Variants in GABRB3 observed in about 807,000 individuals in gnomAD.
The protein encoded by GABRB3 is gamma-aminobutyric acid type A receptor subunit beta3.
In GABRB3, 14 loss-of-function variants were observed where a neutral mutation model predicts 52.1. That is an observed-to-expected ratio of 0.27 (90% CI 0.18 to 0.42). The LOEUF (loss-of-function observed/expected upper bound fraction) is 0.42, where lower values mean the gene tolerates loss of function less well. GABRB3 is among the 10% of genes least tolerant of loss of function. GABRB3 has a pLI of 1.00. For missense variants in GABRB3, 307 were observed against 609.1 expected, an observed-to-expected ratio of 0.50 and a Z score of 5.22; for synonymous variants, 260 against 232.3, an observed-to-expected ratio of 1.12 and a Z score of -1.08.
chr15:26,726,631 T>G (rs763647180), intron 3 of GABRB3, among the ~76,000 whole-genome samples: 1 of 152,190 alleles, frequency 6.6e-6, no homozygotes, highest in Non-Finnish European at 1.5e-5. Context: ...CAATTCAAGT[T>G]ACATATTTTT....
intron 3 of GABRB3, among the ~76,000 whole-genome samples, chr15:26,689,697 G>A (rs1888523161): frequency 1.3e-5 from 2 of 152,138 alleles, no homozygotes; most frequent in East Asian, 1.9e-4. Flanking sequence ...ACCACTCTGT[G>A]CTGGGTGGTC....
chr15:26,772,975 C>G lies in GABRB3; in HGVS notation c.-13G>C. The G allele has an allele frequency of 7.1e-7, 1 of 1,405,762 alleles. No homozygotes were observed. The highest frequency in any genetic ancestry group is 1.5e-5 in the African/African-American group (1 of 66,722). 87.1% of individuals were successfully genotyped at this position (1,405,762 alleles called of 1,614,324 possible). On this transcript the variant is annotated 5_prime_UTR_variant, in exon 1 of 9. Transcript: ENST00000311550. ...CAAGGCCCCACATCCCTCCGCCGCGCCCCGGCACGGGGGAGGGGGCGCCCC... is the reference window on the plus strand; with the variant it reads ...CAAGGCCCCACATCCCTCCGCCGCGGCCCGGCACGGGGGAGGGGGCGCCCC...
At chr15:26,596,412 C>A (rs3919613) in intron 4 of GABRB3, among the ~76,000 whole-genome samples, 122,044 of 152,002 alleles carry the variant, frequency 0.8, 50,750 homozygotes, top group East Asian at 1. Flanking sequence ...ATGAATTGTC[C>A]TGGCTAATGC....
At chr15:26,772,025 C>G (rs144575195) in intron 3 of GABRB3, 4,038 of 221,580 alleles carry the variant, frequency 0.018, 56 homozygotes, top group Non-Finnish European at 0.026. Flanking sequence ...ACCCCCACAT[C>G]TCGCCTCTCC....
intron 4 of GABRB3, among the ~76,000 whole-genome samples, chr15:26,584,632 C>T (rs530574818): frequency 2.0e-5 from 3 of 152,318 alleles, no homozygotes; most frequent in Admixed American, 2.0e-4. Flanking sequence ...CTCCACCATG[C>T]AATGGTTAAG....
intron 4 of GABRB3, among the ~76,000 whole-genome samples, chr15:26,610,648 A>G (rs1347899575): frequency 6.6e-6 from 1 of 152,132 alleles, no homozygotes; most frequent in East Asian, 1.9e-4. Flanking sequence ...GATCTTCTGT[A>G]GTGCTGTTTG....
intron 3 of GABRB3, among the ~76,000 whole-genome samples, chr15:26,670,436 G>A (rs933099185): frequency 6.6e-6 from 1 of 152,162 alleles, no homozygotes; most frequent in East Asian, 1.9e-4. Flanking sequence ...GGAGGGGCGC[G>A]GGAGGCTGGG....
At chr15:26,623,530 C>A (rs924083990) in intron 3 of GABRB3, among the ~76,000 whole-genome samples, 1 of 135,488 alleles carries the variant, frequency 7.4e-6, no homozygotes, top group Non-Finnish European at 1.7e-5. Flanking sequence ...CACACCCCAA[C>A]CATCTCTTTT....
At chr15:26,674,519 CTA>C (rs201430338) in intron 3 of GABRB3, among the ~76,000 whole-genome samples, 2,804 of 149,750 alleles carry the variant, frequency 0.019, 48 homozygotes, top group Middle Eastern at 0.05. Context: ...AAAAAAGAAA[CTA>C]TGCACGCAGC....
chr15:26,705,653 C>T (rs1366188639), intron 3 of GABRB3, among the ~76,000 whole-genome samples: 2 of 152,022 alleles, frequency 1.3e-5, no homozygotes, highest in East Asian at 3.9e-4. Context: ...ACATTCTATA[C>T]AATTATATGT....
intron 3 of GABRB3, among the ~76,000 whole-genome samples, chr15:26,702,568 A>G (rs1369945036): frequency 6.6e-6 from 1 of 152,258 alleles, no homozygotes; most frequent in African/African-American, 2.4e-5. Context: ...AAGTGTTGAC[A>G]GAAATAAGGA....
chr15:26,746,583 T>G (rs12438454), intron 3 of GABRB3, among the ~76,000 whole-genome samples: 65,146 of 109,744 alleles, frequency 0.59, 15,960 homozygotes, highest in South Asian at 0.72. Flanking sequence ...CCGTTTTTTG[T>G]TTTTTTTTTT....
At chr15:26,619,246 T>A (rs538621455) in intron 4 of GABRB3, among the ~76,000 whole-genome samples, 2 of 151,578 alleles carry the variant, frequency 1.3e-5, no homozygotes, top group Non-Finnish European at 2.9e-5. Context: ...CTATTCACAA[T>A]AGCAAAGACT....
chr15:26,628,360 C>A (rs1184187388), intron 3 of GABRB3, among the ~76,000 whole-genome samples: 1 of 152,186 alleles, frequency 6.6e-6, no homozygotes, highest in East Asian at 1.9e-4. Flanking sequence ...CGAAGATGAA[C>A]CTGAGGCACT....
rs556238396 is a variant in GABRB3, at chr15:26,772,938, G to T, written c.25C>A (p.Leu9Ile). MWGLAGGR[L>I]FGIFSAPVLV... is the part of the protein sequence containing the mutation. ...ACCGGGGCCGAGAAGATGCCGAAAA[G>T]CCTTCCTCCCGCAAGGCCCCACATC... is the stretch of plus-strand genomic sequence containing the variant. The change falls in exon 1 of 9, where the codon CTT becomes ATT. Residue 9 changes from leucine to isoleucine, a missense_variant. By Grantham distance (5) the Leu-to-Ile change is conservative. This residue lies in a region of GABRB3 where 90 missense variants were observed against 86.4 expected (regional missense o/e 1.04). Coordinates refer to ENST00000311550, the MANE Select transcript of GABRB3 (RefSeq NM_000814.6). 4 of 1,484,512 alleles carry T rather than the reference G, an allele frequency of 2.7e-6. No homozygotes were observed. In the South Asian group the frequency reaches 5.1e-5, roughly 19 times the overall value. 92.0% of individuals were successfully genotyped at this position (1,484,512 alleles called of 1,614,324 possible).
intron 4 of GABRB3, chr15:26,612,657 G>A (rs1338614508): frequency 6.6e-6 from 1 of 152,232 alleles, no homozygotes; most frequent in Non-Finnish European, 1.5e-5. Flanking sequence ...AAGAAACATT[G>A]AATATAGTAT....
rs759375301 is a variant in GABRB3, at chr15:26,772,783, G to C, written c.81-11C>G. 6.5e-7 allele frequency: 1 copy of C among 1,540,710 alleles called. No homozygotes were observed. Reference sequence around the variant, plus strand: ...CCGGGATCGTTCACACTGGGGGAGGGACGGGGAGCACAAAGAGCGGGGTCA... The same window carrying C: ...CCGGGATCGTTCACACTGGGGGAGGCACGGGGAGCACAAAGAGCGGGGTCA... On this transcript the variant is annotated splice_polypyrimidine_tract_variant and intron_variant, in intron 1 of 8. Coordinates refer to ENST00000311550, the MANE Select transcript of GABRB3 (RefSeq NM_000814.6).
rs1321499442 is a variant in GABRB3, at chr15:26,606,423, C to T, written c.461+14891G>A. 2.0e-5 allele frequency among the ~76,000 whole-genome samples: 3 copies of T among 152,028 alleles called. No individual in the cohort carries two copies. The East Asian group carries it at 5.8e-4, about 29-fold the overall frequency. Reference sequence around the variant, plus strand: ...TCATGTATCCCATGAATATAGACATCTACTATGTACCCACAAAAATTAAAA... The same window carrying T: ...TCATGTATCCCATGAATATAGACATTTACTATGTACCCACAAAAATTAAAA... On this transcript the variant is annotated intron_variant, in intron 4 of 8. Transcript: ENST00000311550.
At chr15:26,702,885 G>A (rs7161948) in intron 3 of GABRB3, among the ~76,000 whole-genome samples, 1 of 152,184 alleles carries the variant, frequency 6.6e-6, no homozygotes, top group Admixed American at 6.5e-5. Context: ...ATAGATGTGA[G>A]GAATACATTT....
Sources: allele counts gnomAD v4.1 joint callset (sites outside exome capture counted in the v4.1 genomes callset), GRCh38; gene constraint gnomAD v4.1.1; regional missense constraint gnomAD v4.1.1; transcripts MANE v1.5; gene names NCBI Gene and HGNC (gene_info 2026-07-23, HGNC 2026-07-21).